The following SLC39A11 variants were observed in gnomAD, a reference collection of about 807,000 sequenced individuals.
The protein encoded by SLC39A11 is solute carrier family 39 member 11, also known as zinc transporter ZIP11.
SLC39A11 carries 33 observed loss-of-function variants against 36.1 expected under a neutral mutation model. The ratio of observed to expected loss-of-function variants is 0.91; its 90% confidence interval spans 0.69 to 1.22. SLC39A11 has a LOEUF of 1.22. Among genes scored for constraint, SLC39A11 ranks in the 50% most tolerant of loss-of-function variants. The probability of loss-of-function intolerance (pLI) is 0.00; values close to 1 mark genes in which losing one functional copy is unlikely to be tolerated. For synonymous variants in SLC39A11, 166 were observed against 170.3 expected, an observed-to-expected ratio of 0.97 and a Z score of 0.20; for missense variants, 432 against 430.3, an observed-to-expected ratio of 1.00 and a Z score of -0.03.
At chr17:73,054,859 T>C (rs576707872) in intron 3 of SLC39A11, among the ~76,000 whole-genome samples, 8 of 149,172 alleles carry the variant, frequency 5.4e-5, no homozygotes, top group Non-Finnish European at 1.2e-4. Flanking sequence ...GAGCTGCAGA[T>C]GCTTATCAAG....
At chr17:72,670,172 C>A (rs1042711177) in intron 7 of SLC39A11, among the ~76,000 whole-genome samples, 1 of 50,108 alleles carries the variant, frequency 2.0e-5, no homozygotes, top group Non-Finnish European at 3.8e-5. Flanking sequence ...CACACACACA[C>A]ACACACACAC....
chr17:72,948,253 C>T (rs1301278978), intron 4 of SLC39A11, among the ~76,000 whole-genome samples: 1 of 150,624 alleles, frequency 6.6e-6, no homozygotes, highest in African/African-American at 2.4e-5. Flanking sequence ...CAAAACCCCA[C>T]TGCAAGCGTC....
intron 5 of SLC39A11, among the ~76,000 whole-genome samples, chr17:72,936,052 G>T (rs1454463681): frequency 6.6e-6 from 1 of 152,086 alleles, no homozygotes; most frequent in Non-Finnish European, 1.5e-5. Flanking sequence ...ACAAAAATCA[G>T]CTGAGTGTGG....
intron 6 of SLC39A11, among the ~76,000 whole-genome samples, chr17:72,799,971 C>T (rs986142997): frequency 4.6e-5 from 7 of 152,160 alleles, no homozygotes; most frequent in East Asian, 1.9e-4. Context: ...GCGGGCATCA[C>T]GGTCCTACTG....
intron 5 of SLC39A11, among the ~76,000 whole-genome samples, chr17:72,856,369 C>A (rs1232476917): frequency 6.6e-6 from 1 of 152,190 alleles, no homozygotes; most frequent in African/African-American, 2.4e-5. Context: ...ATGCCTGCTG[C>A]CCAAATGAGG....
chr17:72,903,577 A>G (rs12051814), intron 5 of SLC39A11, among the ~76,000 whole-genome samples: 90,949 of 152,110 alleles, frequency 0.6, 28,300 homozygotes, highest in African/African-American at 0.78. Flanking sequence ...CAGAGCACAG[A>G]GGGGCAGCCA....
chr17:72,817,912 G>A (rs1370316173), intron 6 of SLC39A11: 1 of 152,312 alleles, frequency 6.6e-6, no homozygotes, highest in Non-Finnish European at 1.5e-5. Context: ...TTACAATCAT[G>A]GCAGAAGGTG....
chr17:72,664,385 T>C (rs1208737291), intron 7 of SLC39A11, among the ~76,000 whole-genome samples: 1 of 152,120 alleles, frequency 6.6e-6, no homozygotes, highest in Non-Finnish European at 1.5e-5. Context: ...GGAGGGAAAG[T>C]GGTCAGTGGC....
chr17:72,723,775 C>T (rs2073809027), intron 7 of SLC39A11, among the ~76,000 whole-genome samples: 1 of 152,166 alleles, frequency 6.6e-6, no homozygotes. Context: ...GTAATCAGAT[C>T]ATTCACCCAT....
At chr17:72,935,029 A>G (rs1228649235) in intron 5 of SLC39A11, among the ~76,000 whole-genome samples, 1 of 152,248 alleles carries the variant, frequency 6.6e-6, no homozygotes, top group Non-Finnish European at 1.5e-5. Flanking sequence ...AGCCAGGAGA[A>G]ATGTAAACAT....
chr17:72,883,923 G>A (rs934764111), intron 5 of SLC39A11, among the ~76,000 whole-genome samples: 6 of 152,166 alleles, frequency 3.9e-5, no homozygotes, highest in African/African-American at 1.4e-4. Flanking sequence ...GGGAGGCTGA[G>A]ACAGGTGGAT....
At chr17:72,823,011 T>C (rs181745411) in intron 6 of SLC39A11, among the ~76,000 whole-genome samples, 40 of 151,292 alleles carry the variant, frequency 2.6e-4, no homozygotes, top group African/African-American at 9.7e-4. Context: ...GCCGGGATTA[T>C]AGGCATGAGC....
At chr17:73,087,880 C>G (rs890082691) in intron 2 of SLC39A11, among the ~76,000 whole-genome samples, 1 of 152,168 alleles carries the variant, frequency 6.6e-6, no homozygotes, top group African/African-American at 2.4e-5. Flanking sequence ...AAAAAGGGAA[C>G]AGATGCCCCT....
At chr17:72,913,141 T>C (rs2083122695) in intron 5 of SLC39A11, among the ~76,000 whole-genome samples, 1 of 151,890 alleles carries the variant, frequency 6.6e-6, no homozygotes, top group Middle Eastern at 3.2e-3. Context: ...TAGAGAAAGT[T>C]AGATAGGAGG....
intron 5 of SLC39A11, among the ~76,000 whole-genome samples, chr17:72,917,041 A>G (rs984027357): frequency 6.6e-6 from 1 of 152,202 alleles, no homozygotes; most frequent in Non-Finnish European, 1.5e-5. Context: ...GGGGATGACC[A>G]CTCTATCTTC....
At chr17:72,758,632 G>A (rs928896447) in intron 6 of SLC39A11, among the ~76,000 whole-genome samples, 9 of 152,144 alleles carry the variant, frequency 5.9e-5, no homozygotes, top group South Asian at 2.1e-4. Flanking sequence ...CCTGGAACAC[G>A]GGTGGGATGC....
intron 3 of SLC39A11, among the ~76,000 whole-genome samples, chr17:73,057,132 T>C (rs908065226): frequency 6.6e-6 from 1 of 152,086 alleles, no homozygotes; most frequent in Non-Finnish European, 1.5e-5. Flanking sequence ...TTGTGGGAGA[T>C]GTATATACAT....
At position 72,950,020 on chromosome 17, in the gene SLC39A11, T is replaced by G. The variant is rs533155593; in HGVS notation, c.307-2145A>C. On this transcript the variant is annotated intron_variant, in intron 4 of 9. Coordinates refer to ENST00000255559, the MANE Select transcript of SLC39A11 (RefSeq NM_139177.4). ...ACCCCTTCTTGTTTTTTCACTGTCA[T>G]GATGATGAGAGTTAAGAAAGAGAAC... Among the ~76,000 whole-genome samples, 10 of 151,390 alleles carry G rather than the reference T, an allele frequency of 6.6e-5. No individual in the cohort carries two copies. In the East Asian group the frequency reaches 1.8e-3, roughly 27 times the overall value.
chr17:72,694,907 T>C (rs557318820), intron 7 of SLC39A11, among the ~76,000 whole-genome samples: 5 of 152,216 alleles, frequency 3.3e-5, no homozygotes, highest in Non-Finnish European at 7.3e-5. Context: ...GGAGAGTCTC[T>C]GTCTCTCACT....
Sources: allele counts gnomAD v4.1 joint callset (sites outside exome capture counted in the v4.1 genomes callset), GRCh38; gene constraint gnomAD v4.1.1; transcripts MANE v1.5; gene names NCBI Gene and HGNC (gene_info 2026-07-23, HGNC 2026-07-21).